Variants in NUP153 observed in about 807,000 individuals in gnomAD.
The protein encoded by NUP153 is nuclear pore complex protein Nup153.
A neutral mutation model predicts 134.6 loss-of-function variants in NUP153; 27 were observed. The ratio of observed to expected loss-of-function variants is 0.20; its 90% CI spans 0.15 to 0.28. The LOEUF (loss-of-function observed/expected upper bound fraction) is 0.28. NUP153 is among the 10% of genes least tolerant of loss of function. The pLI is 1.00. For synonymous variants in NUP153, 640 were observed against 623.5 expected, an observed-to-expected ratio of 1.03 and a Z score of -0.40; for missense variants, 1,821 against 1,731.3, an observed-to-expected ratio of 1.05 and a Z score of -0.92.
At chr6:17,663,751 C>A (rs991388569) in intron 9 of NUP153, among the ~76,000 whole-genome samples, 7 of 151,966 alleles carry the variant, frequency 4.6e-5, no homozygotes, top group African/African-American at 1.7e-4. Context: ...TAAAATATAA[C>A]TAAAGGCATA....
chr6:17,701,439 G>A (rs1255411390), intron 1 of NUP153, among the ~76,000 whole-genome samples: 1 of 151,834 alleles, frequency 6.6e-6, no homozygotes, highest in African/African-American at 2.4e-5. Flanking sequence ...CAAGGCAGGT[G>A]GATCAGGAAG....
intron 11 of NUP153, among the ~76,000 whole-genome samples, chr6:17,656,839 C>A (rs1766851218): frequency 6.6e-6 from 1 of 152,106 alleles, no homozygotes. Flanking sequence ...TCTTTATGGG[C>A]CACATGTGCA....
At position 17,628,861 on chromosome 6, in the gene NUP153, G is replaced by C. The variant is rs745404592; in HGVS notation, c.3338C>G (p.Ser1113Cys). ...TEEKQQEPVT[S>C]TSLVFGKKAD... ...TTTCTTCCCAAAAACTAGGGAAGTA[G>C]AAGTGACAGGCTCTTGCTGTTTCTC... Residue 1113 changes from serine (S) to cysteine (C), a missense_variant, in exon 18 of 22, where the codon TCT (serine) becomes TGT (cysteine). By Grantham distance (112) the Ser-to-Cys change is moderately radical. Coordinates refer to ENST00000262077, the MANE Select transcript of NUP153 (RefSeq NM_005124.4). The surrounding 1 kb of genome is among the most constrained non-coding windows in gnomAD (Gnocchi z 5.4). The C allele has an allele frequency of 6.2e-7, 1 of 1,614,164 alleles. No individual in the cohort carries two copies. Among genetic ancestry groups the C allele is most frequent in the Non-Finnish European group, 8.5e-7 (1 of 1,180,006 alleles).
chr6:17,659,856 A>G (rs1767079109), intron 11 of NUP153, among the ~76,000 whole-genome samples: 1 of 152,192 alleles, frequency 6.6e-6, no homozygotes, highest in South Asian at 2.1e-4. Flanking sequence ...AAATTTATAT[A>G]CTGTTTGTAT....
chr6:17,667,194 T>A (rs1013463014), intron 8 of NUP153, among the ~76,000 whole-genome samples: 4 of 152,218 alleles, frequency 2.6e-5, no homozygotes, highest in African/African-American at 9.6e-5. Context: ...AAGCCCATCA[T>A]AGAAACTACT....
chr6:17,626,119 G>A lies in NUP153; in HGVS notation c.3590C>T (p.Ser1197Phe). The A allele has an allele frequency of 6.2e-7, 1 of 1,613,376 alleles. No homozygotes were observed. Among genetic ancestry groups the A allele is most frequent in the East Asian group, 2.2e-5 (1 of 44,874 alleles). The change falls in exon 19 of 22, where the codon TCC (serine) becomes TTC (phenylalanine). Residue 1197 changes from serine (S) to phenylalanine (F), a missense_variant. Physicochemically the swap from Ser to Phe is radical, Grantham distance 155. Transcript: ENST00000262077. ...AGTGGCTGGTGTACTTGAACTAGAG[G>A]AACTGTTGTTCAAGAAACTAAAAAC... ...KPVFSFLNNS[S>F]SSSSTPATSA...
In NUP153 at chr6:17,688,515, G is replaced by C; in HGVS notation, c.215C>G (p.Thr72Arg). ...NEDVCSCSTD[T>R]SEVPRWPENK... ...TTCTGGCCAGCGTGGAACCTCGCTTGTGTCTGTTGAACAGCTGCATACATC... is the reference window on the plus strand; with the variant it reads ...TTCTGGCCAGCGTGGAACCTCGCTTCTGTCTGTTGAACAGCTGCATACATC... The change falls in exon 2 of 22, where the codon ACA becomes AGA. Residue 72 changes from threonine to arginine, a missense_variant. Coordinates refer to ENST00000262077, the MANE Select transcript of NUP153 (RefSeq NM_005124.4). 1 of 1,614,112 alleles carries C rather than the reference G, an allele frequency of 6.2e-7. No individual in the cohort carries two copies. The highest frequency in any genetic ancestry group is 1.7e-5 in the Admixed American group (1 of 60,010).
At chr6:17,674,816 AT>A in intron 5 of NUP153, 88 bp downstream of exon 5, 9 of 1,079,408 alleles carry the variant, frequency 8.3e-6, no homozygotes, top group South Asian at 4.5e-5. Context: ...AATCAAAACT[AT>A]TTTTTTGAGC....
At chr6:17,679,937 C>CGGCCAGACCACTACTCA (rs1561899486) in intron 2 of NUP153, among the ~76,000 whole-genome samples, 1 of 152,156 alleles carries the variant, frequency 6.6e-6, no homozygotes, top group African/African-American at 2.4e-5. Flanking sequence ...TTGTTGCCAC[C>CGGCCAGACCACTACTCA]GGCCAGACCA....
At chr6:17,645,276 A>G (rs1766095253) in intron 14 of NUP153, among the ~76,000 whole-genome samples, 1 of 151,392 alleles carries the variant, frequency 6.6e-6, no homozygotes, top group Admixed American at 6.6e-5. Flanking sequence ...CTATGTTTTA[A>G]TTCTCTGATT....
intron 19 of NUP153, 120 bp from the exon 20 acceptor site, chr6:17,624,953 C>A: frequency 2.2e-6 from 2 of 888,964 alleles, no homozygotes; most frequent in Non-Finnish European, 3.3e-6. Context: ...CCTTGCTAAC[C>A]AAATTCCATC....
rs1767223133 is a variant in NUP153, at chr6:17,662,051, ATAT to A, written c.1232_1234del (p.Asn411del). 1 of 1,612,658 alleles carries A rather than the reference ATAT, an allele frequency of 6.2e-7. No homozygotes were observed. Among genetic ancestry groups the A allele is most frequent in the Non-Finnish European group, 8.5e-7 (1 of 1,179,240 alleles). On this transcript the variant is annotated inframe_deletion, in exon 10 of 22. Coordinates refer to ENST00000262077, the MANE Select transcript of NUP153 (RefSeq NM_005124.4). ...TTGTTCTCTATTTTGTCCGGGTGTCATATTTTTTTCATATCCAGTCTGCAGGGG... is the reference window on the plus strand; with the variant it reads ...TTGTTCTCTATTTTGTCCGGGTGTCATTTTTTCATATCCAGTCTGCAGGGG...
In NUP153 at chr6:17,615,464, G is replaced by C. The variant is rs1764265468; in HGVS notation, c.*633C>G. 1 of 152,460 alleles carries C rather than the reference G, an allele frequency of 6.6e-6. No homozygotes were observed. The highest frequency in any genetic ancestry group is 1.9e-4 in the East Asian group (1 of 5,196). 9.4% of individuals were successfully genotyped at this position (152,460 alleles called of 1,614,324 possible). On this transcript the variant is annotated 3_prime_UTR_variant, in exon 22 of 22. Coordinates refer to ENST00000262077, the MANE Select transcript of NUP153 (RefSeq NM_005124.4). This position sits in a 1 kb window ranked among gnomAD's most constrained non-coding sequence, Gnocchi z 5.7. ...AGTTTCATAATAAAATAATGAAAAAGGCAAGACAGGTGATAGGAGAATGAA... is the reference window on the plus strand; with the variant it reads ...AGTTTCATAATAAAATAATGAAAAACGCAAGACAGGTGATAGGAGAATGAA...
rs11428582 is a variant in NUP153, at chr6:17,678,352, C to CAAAAAAAAAAAAAAAAAA, written c.335-2600_335-2583dup. On this transcript the variant is annotated intron_variant, in intron 2 of 21. Coordinates refer to ENST00000262077, the MANE Select transcript of NUP153 (RefSeq NM_005124.4). ...GCCTGGTTGACAGAACCCTCTGTCTCAAAAAAAAAAAAAAAAAAAAAAAGA... is the reference window on the plus strand; with the variant it reads ...GCCTGGTTGACAGAACCCTCTGTCTCAAAAAAAAAAAAAAAAAAAAAAAAAAAAAAAAAAAAAAAAAGA... Among the ~76,000 whole-genome samples, 153 of 68,210 alleles carry CAAAAAAAAAAAAAAAAAA rather than the reference C, an allele frequency of 2.2e-3. 6 individuals carry two copies. Among genetic ancestry groups the CAAAAAAAAAAAAAAAAAA allele is most frequent in the Non-Finnish European group, 2.5e-3 (92 of 36,716 alleles). 44.7% of individuals were successfully genotyped at this position (68,210 alleles called of 152,430 possible). A position where few individuals can be genotyped will look rare whatever the true frequency, so the allele number is the denominator to read the frequency against.
intron 1 of NUP153, among the ~76,000 whole-genome samples, chr6:17,696,727 C>T (rs950686960): frequency 6.6e-6 from 1 of 151,892 alleles, no homozygotes; most frequent in Non-Finnish European, 1.5e-5. Context: ...TGCACTCCAA[C>T]CTGGGCCACA....
intron 1 of NUP153, among the ~76,000 whole-genome samples, chr6:17,696,508 T>C (rs1204406880): frequency 6.6e-6 from 1 of 151,982 alleles, no homozygotes; most frequent in Non-Finnish European, 1.5e-5. Flanking sequence ...GTAATCCCAG[T>C]ACTTTGAGAG....
chr6:17,693,664 A>G (rs1298307096), intron 1 of NUP153, among the ~76,000 whole-genome samples: 1 of 152,202 alleles, frequency 6.6e-6, no homozygotes, highest in African/African-American at 2.4e-5. Context: ...AGGCGGGCAG[A>G]TCACTTGAAG....
rs1764261331 is a variant in NUP153 at position 17,615,398 on chromosome 6, T to C, written c.*699A>G. 6.6e-6 allele frequency: 1 copy of C among 152,634 alleles called. No homozygotes were observed. The highest frequency in any genetic ancestry group is 2.4e-5 in the African/African-American group (1 of 41,454). The allele number at this position is 152,634 out of a possible 1,614,324, so 9.5% of individuals were successfully genotyped here. On this transcript the variant is annotated 3_prime_UTR_variant, in exon 22 of 22. Coordinates refer to ENST00000262077, the MANE Select transcript of NUP153 (RefSeq NM_005124.4). The surrounding 1 kb of genome is among the most constrained non-coding windows in gnomAD (Gnocchi z 5.7). ...TTCAAATTTCAAGTTCACAGATTTATGTTATGCCAAAAAGTACAGAAACAA... is the reference window on the plus strand; with the variant it reads ...TTCAAATTTCAAGTTCACAGATTTACGTTATGCCAAAAAGTACAGAAACAA...
At position 17,706,399 on chromosome 6, in the gene NUP153, C is replaced by T. The variant is rs779243306; in HGVS notation, c.-12G>A. 6.2e-7 allele frequency: 1 copy of T among 1,602,116 alleles called. No homozygotes were observed. Among genetic ancestry groups the T allele is most frequent in the Admixed American group, 1.7e-5 (1 of 59,870 alleles). On this transcript the variant is annotated 5_prime_UTR_variant, in exon 1 of 22. Transcript: ENST00000262077. This position sits in a 1 kb window ranked among gnomAD's most constrained non-coding sequence, Gnocchi z 5.9. Reference sequence around the variant, plus strand: ...GCTCCCGAGGCCATGGCGGAGCCTCCGCCGCTTCCCGCTCCGGGGCGGGTA... The same window carrying T: ...GCTCCCGAGGCCATGGCGGAGCCTCTGCCGCTTCCCGCTCCGGGGCGGGTA...
Sources: gnomAD v4.1 joint callset for allele counts (sites outside exome capture counted in the v4.1 genomes callset) on GRCh38, gnomAD v4.1.1 for gene constraint, Gnocchi (gnomAD v3.1) non-coding constraint, MANE v1.5 for transcripts, NCBI Gene and HGNC (gene_info 2026-07-23, HGNC 2026-07-21) for gene names.